Variants in DOK5 observed in about 807,000 individuals in gnomAD.
DOK5 encodes the protein downstream of tyrosine kinase 5.
DOK5 carries 27 observed loss-of-function variants against 43.3 expected under a neutral mutation model. That is an observed-to-expected ratio of 0.62 (90% CI 0.46 to 0.86). The LOEUF is 0.86. DOK5 is among the 40% of genes least tolerant of loss of function. DOK5 has a pLI of 0.00. For synonymous variants in DOK5, 146 were observed against 140.1 expected, an observed-to-expected ratio of 1.04 and a Z score of -0.30; for missense variants, 373 against 392.9, an observed-to-expected ratio of 0.95 and a Z score of 0.43.
At chr20:54,604,268 C>T (rs1012985055) in intron 5 of DOK5, among the ~76,000 whole-genome samples, 1 of 151,738 alleles carries the variant, frequency 6.6e-6, no homozygotes, top group African/African-American at 2.4e-5. Context: ...TTTTAGTTTG[C>T]CTCACTTTCA....
chr20:54,630,030 G>A (rs773147232), intron 6 of DOK5, among the ~76,000 whole-genome samples: 15 of 152,078 alleles, frequency 9.9e-5, no homozygotes, highest in Admixed American at 1.3e-4. Context: ...GGAGAGTTGC[G>A]TAGTCATTGG....
chr20:54,518,871 A>G (rs1019519450), intron 1 of DOK5, among the ~76,000 whole-genome samples: 3 of 152,102 alleles, frequency 2.0e-5, no homozygotes, highest in Non-Finnish European at 4.4e-5. Flanking sequence ...AAAACAAACA[A>G]CTCCATCAAC....
chr20:54,525,479 C>A (rs1249150095), intron 1 of DOK5, among the ~76,000 whole-genome samples: 1 of 152,156 alleles, frequency 6.6e-6, no homozygotes, highest in Non-Finnish European at 1.5e-5. Flanking sequence ...GTTTTTATTA[C>A]TGCACTTTAT....
intron 2 of DOK5, among the ~76,000 whole-genome samples, chr20:54,578,675 A>C (rs1159083205): frequency 6.6e-6 from 1 of 152,160 alleles, no homozygotes; most frequent in Non-Finnish European, 1.5e-5. Context: ...TAGTAATGAA[A>C]ATTTATAATT....
intron 1 of DOK5, among the ~76,000 whole-genome samples, chr20:54,552,207 G>A (rs767963278): frequency 2.0e-5 from 3 of 151,850 alleles, no homozygotes; most frequent in Non-Finnish European, 2.9e-5. Context: ...CAGAGAAAAC[G>A]TTGTTAACAT....
chr20:54,538,953 A>C (rs375907183), intron 1 of DOK5, among the ~76,000 whole-genome samples: 100 of 152,298 alleles, frequency 6.6e-4, no homozygotes, highest in Middle Eastern at 3.4e-3. Context: ...GTATGATTAC[A>C]CACATATAAC....
chr20:54,617,012 G>A (rs1386690781), intron 6 of DOK5, among the ~76,000 whole-genome samples: 1 of 151,922 alleles, frequency 6.6e-6, no homozygotes, highest in East Asian at 1.9e-4. Flanking sequence ...GGATGGTCTC[G>A]ATCTCCTGAC....
intron 2 of DOK5, among the ~76,000 whole-genome samples, chr20:54,582,207 C>T (rs1444732291): frequency 2.0e-5 from 3 of 151,598 alleles, no homozygotes; most frequent in African/African-American, 7.3e-5. Flanking sequence ...AGAGATAAAC[C>T]CCACTAGATC....
At chr20:54,580,118 T>C in intron 2 of DOK5, among the ~76,000 whole-genome samples, 1 of 152,168 alleles carries the variant, frequency 6.6e-6, no homozygotes, top group East Asian at 1.9e-4. Context: ...CTCATCCTTT[T>C]TTATGGCTGC....
chr20:54,583,842 G>C (rs1985713726), intron 2 of DOK5, among the ~76,000 whole-genome samples: 1 of 152,034 alleles, frequency 6.6e-6, no homozygotes, highest in Non-Finnish European at 1.5e-5. Context: ...TCTTTTGATA[G>C]GGCAGTTTAA....
intron 1 of DOK5, among the ~76,000 whole-genome samples, chr20:54,494,288 A>G (rs1056618941): frequency 2.0e-5 from 3 of 152,234 alleles, no homozygotes; most frequent in African/African-American, 7.2e-5. Context: ...GATTTCCTTC[A>G]AAACTGCAGT....
chr20:54,523,006 A>G (rs1983464826), intron 1 of DOK5, among the ~76,000 whole-genome samples: 1 of 152,186 alleles, frequency 6.6e-6, no homozygotes, highest in Admixed American at 6.5e-5. Context: ...TAATCCTTCT[A>G]AGCCTATTAG....
intron 5 of DOK5, among the ~76,000 whole-genome samples, chr20:54,605,652 C>T (rs897184061): frequency 3.9e-5 from 6 of 152,364 alleles, no homozygotes; most frequent in Non-Finnish European, 7.3e-5. Flanking sequence ...AAAAGTTGCT[C>T]AAGGAAGCCT....
intron 1 of DOK5, among the ~76,000 whole-genome samples, chr20:54,495,627 A>C (rs1202679627): frequency 6.6e-6 from 1 of 152,222 alleles, no homozygotes; most frequent in Non-Finnish European, 1.5e-5. Flanking sequence ...GCAGTGGCTC[A>C]CGCCTGTAAT....
intron 5 of DOK5, among the ~76,000 whole-genome samples, chr20:54,609,230 C>T (rs1449101906): frequency 6.6e-6 from 1 of 152,134 alleles, no homozygotes; most frequent in African/African-American, 2.4e-5. Context: ...CTGTGTTAAA[C>T]AGTTCTTTAG....
intron 6 of DOK5, among the ~76,000 whole-genome samples, chr20:54,611,934 G>C (rs1195935536): frequency 6.6e-6 from 1 of 152,208 alleles, no homozygotes; most frequent in African/African-American, 2.4e-5. Flanking sequence ...TTCCTGTAAA[G>C]AGACAGTAAA....
intron 6 of DOK5, among the ~76,000 whole-genome samples, chr20:54,638,193 G>C (rs765664002): frequency 2.6e-5 from 4 of 151,788 alleles, no homozygotes; most frequent in Non-Finnish European, 5.9e-5. Context: ...GGCTAGGTTA[G>C]TGACTATCAC....
intron 1 of DOK5, among the ~76,000 whole-genome samples, chr20:54,526,874 A>G (rs1030659649): frequency 1.3e-5 from 2 of 152,210 alleles, no homozygotes; most frequent in African/African-American, 4.8e-5. Context: ...TTTAAGATCA[A>G]TTGCTTAACT....
At chr20:54,487,275 T>A (rs1981974045) in intron 1 of DOK5, among the ~76,000 whole-genome samples, 1 of 152,144 alleles carries the variant, frequency 6.6e-6, no homozygotes, top group South Asian at 2.1e-4. Context: ...ACTAGGTCTT[T>A]TCCTAGAGAG....
Sources: gnomAD v4.1 joint callset for allele counts (sites outside exome capture counted in the v4.1 genomes callset) on GRCh38, gnomAD v4.1.1 for gene constraint, MANE v1.5 for transcripts, NCBI Gene and HGNC (gene_info 2026-07-23, HGNC 2026-07-21) for gene names.